TSPAN9: variants seen among roughly 807,000 people sequenced by gnomAD.
The protein encoded by TSPAN9 is tetraspanin 9.
A neutral mutation model predicts 31.0 loss-of-function variants in TSPAN9; 16 were observed. The ratio of observed to expected loss-of-function variants is 0.52; its 90% CI spans 0.35 to 0.78. The LOEUF (loss-of-function observed/expected upper bound fraction) is 0.78, where lower values mean the gene tolerates loss of function less well. Among genes scored for constraint, TSPAN9 ranks in the 30% least tolerant of loss-of-function variants. The pLI is 0.01. For missense variants in TSPAN9, 272 were observed against 312.5 expected (o/e 0.87, Z 0.98); for synonymous variants, 145 against 121.6 (o/e 1.19, Z -1.27).
intron 3 of TSPAN9, among the ~76,000 whole-genome samples, chr12:3,206,790 A>G (rs150334622): frequency 6.6e-6 from 1 of 152,308 alleles, no homozygotes; most frequent in Non-Finnish European, 1.5e-5. Flanking sequence ...TAGCTGCTTA[A>G]TAGAGCTCCT....
chr12:3,273,127 G>A (rs562879771), intron 3 of TSPAN9: 1 of 152,368 alleles, frequency 6.6e-6, no homozygotes, highest in East Asian at 1.9e-4. Flanking sequence ...TCAGGGCACG[G>A]CCCAGACCAG....
At chr12:3,212,958 A>G (rs904055458) in intron 3 of TSPAN9, among the ~76,000 whole-genome samples, 3 of 152,032 alleles carry the variant, frequency 2.0e-5, no homozygotes, top group African/African-American at 7.2e-5. Context: ...ATTGTGGACA[A>G]GCAGAGGGAG....
Position 3,179,275 on chromosome 12 carries a change from ACACT to A in TSPAN9, c.-17-21898_-17-21895del, listed in dbSNP as rs1209201524. Among the ~76,000 whole-genome samples the A allele has an allele frequency of 2.0e-5, 3 of 152,116 alleles. No individual in the cohort carries two copies. The East Asian group carries it at 5.8e-4, about 29-fold the overall frequency. On this transcript the variant is annotated intron_variant, in intron 2 of 8. Coordinates refer to ENST00000011898, the MANE Select transcript of TSPAN9 (RefSeq NM_006675.5). ...CATGCTGGGTGCATTACACACCCCGACACTCACCCCACTCTGACTCCAGGTGGGG... is the reference window on the plus strand; with the variant it reads ...CATGCTGGGTGCATTACACACCCCGACACCCCACTCTGACTCCAGGTGGGG...
intron 3 of TSPAN9, among the ~76,000 whole-genome samples, chr12:3,208,100 C>T (rs780699242): frequency 8.5e-5 from 13 of 152,148 alleles, no homozygotes; most frequent in East Asian, 1.9e-4. Context: ...GGACTTCGTG[C>T]GCAGGAGCTG....
intron 2 of TSPAN9, among the ~76,000 whole-genome samples, chr12:3,163,311 C>G (rs1360011432): frequency 1.3e-5 from 2 of 152,336 alleles, no homozygotes; most frequent in Admixed American, 1.3e-4. Flanking sequence ...ATATGACAAT[C>G]CCATCTTTTG....
intron 3 of TSPAN9, among the ~76,000 whole-genome samples, chr12:3,244,093 G>T (rs990750157): frequency 1.3e-5 from 2 of 152,210 alleles, no homozygotes; most frequent in East Asian, 1.9e-4. Flanking sequence ...GGAGCACTTT[G>T]TCCCCCACAG....
At chr12:3,201,013 C>A in intron 2 of TSPAN9, 164 bp from the exon 3 acceptor site, 1 of 618,488 alleles carries the variant, frequency 1.6e-6, no homozygotes. Context: ...CCACCTCCGG[C>A]CGCCCGTTCG....
chr12:3,222,095 C>G (rs550363571), intron 3 of TSPAN9, among the ~76,000 whole-genome samples: 1 of 152,178 alleles, frequency 6.6e-6, no homozygotes, highest in Non-Finnish European at 1.5e-5. Flanking sequence ...TTCCTTAGAC[C>G]CACACAGGGT....
intron 2 of TSPAN9, among the ~76,000 whole-genome samples, chr12:3,167,092 C>G (rs535425186): frequency 1.3e-5 from 2 of 152,184 alleles, no homozygotes; most frequent in Non-Finnish European, 2.9e-5. Flanking sequence ...CCACCACGCC[C>G]GGCCCATAGA....
chr12:3,091,949 C>T (rs1422840536), intron 2 of TSPAN9, among the ~76,000 whole-genome samples: 2 of 152,178 alleles, frequency 1.3e-5, no homozygotes, highest in Admixed American at 1.3e-4. Flanking sequence ...CAGCATTGTG[C>T]TCCTGTTGCA....
chr12:3,109,654 C>T (rs111737672), intron 2 of TSPAN9, among the ~76,000 whole-genome samples: 2,687 of 151,716 alleles, frequency 0.018, 35 homozygotes, highest in South Asian at 0.028. Flanking sequence ...AAAAATTAGC[C>T]GGGCATCGTG....
chr12:3,105,765 C>CAT (rs1491345993), intron 2 of TSPAN9, among the ~76,000 whole-genome samples: 1 of 71,534 alleles, frequency 1.4e-5, no homozygotes, highest in African/African-American at 3.3e-5. Flanking sequence ...CACGCACACA[C>CAT]GCGCACGCAC....
chr12:3,235,093 G>A (rs1377264242), intron 3 of TSPAN9, among the ~76,000 whole-genome samples: 3 of 143,376 alleles, frequency 2.1e-5, no homozygotes, highest in Admixed American at 7.0e-5. Context: ...CGTGAGCCCC[G>A]GAGATGGAGC....
intron 2 of TSPAN9, among the ~76,000 whole-genome samples, chr12:3,166,919 C>T (rs2153969920): frequency 6.6e-6 from 1 of 152,304 alleles, no homozygotes; most frequent in South Asian, 2.1e-4. Flanking sequence ...GCCTCAGCCT[C>T]CTGACTAGCT....
chr12:3,096,414 T>C (rs1334448416), intron 2 of TSPAN9, among the ~76,000 whole-genome samples: 1 of 152,172 alleles, frequency 6.6e-6, no homozygotes, highest in Non-Finnish European at 1.5e-5. Context: ...CTCTCCTAAG[T>C]ATCTCTTGTG....
At chr12:3,105,747 C>T (rs899236951) in intron 2 of TSPAN9, among the ~76,000 whole-genome samples, 11 of 135,698 alleles carry the variant, frequency 8.1e-5, no homozygotes, top group Non-Finnish European at 1.6e-4. Flanking sequence ...CACACACACA[C>T]TCACACACAC....
chr12:3,234,888 T>C (rs948232181), intron 3 of TSPAN9, among the ~76,000 whole-genome samples: 21 of 151,780 alleles, frequency 1.4e-4, no homozygotes, highest in Admixed American at 1.2e-3. Context: ...AGGCCGGGCG[T>C]GGTGGCTTAC....
intron 3 of TSPAN9, among the ~76,000 whole-genome samples, chr12:3,217,050 G>A (rs556870150): frequency 6.6e-6 from 1 of 152,264 alleles, no homozygotes; most frequent in Non-Finnish European, 1.5e-5. Flanking sequence ...CTGCTCAGAG[G>A]GCAGCCTGTT....
rs971476499 is a variant in TSPAN9, at chr12:3,147,905, C to T, written c.-17-53272C>T. Among the ~76,000 whole-genome samples, 3 of 151,938 alleles carry T rather than the reference C, an allele frequency of 2.0e-5. No homozygotes were observed. Among genetic ancestry groups the T allele is most frequent in the Admixed American group, 6.6e-5 (1 of 15,262 alleles). ...TGAGTGGTGTACACATATGTGGAGT[C>T]GGGTGGGTCGGGGGGCACAGCTTGG... On this transcript the variant is annotated intron_variant, in intron 2 of 8. Coordinates refer to ENST00000011898, the MANE Select transcript of TSPAN9 (RefSeq NM_006675.5). This position sits in a 1 kb window ranked among gnomAD's most constrained non-coding sequence, Gnocchi z 4.3.
Sources: gnomAD v4.1 joint callset for allele counts (sites outside exome capture counted in the v4.1 genomes callset) on GRCh38, gnomAD v4.1.1 for gene constraint, Gnocchi (gnomAD v3.1) non-coding constraint, MANE v1.5 for transcripts, NCBI Gene and HGNC (gene_info 2026-07-23, HGNC 2026-07-21) for gene names.